Variants in CREBRF observed in about 807,000 individuals in gnomAD.
CREBRF encodes UPF0474 protein C5orf41.
A neutral mutation model predicts 66.1 loss-of-function variants in CREBRF; 5 were observed. The ratio of observed to expected loss-of-function variants is 0.08; its 90% CI spans 0.04 to 0.16. CREBRF has a LOEUF of 0.16. CREBRF is among the 10% of genes least tolerant of loss of function. The pLI is 1.00. For missense variants in CREBRF, 531 were observed against 744.9 expected (o/e 0.71, Z 3.34); for synonymous variants, 229 against 264.4 (o/e 0.87, Z 1.30).
intron 1 of CREBRF, among the ~76,000 whole-genome samples, chr5:173,066,060 C>G (rs528754315): frequency 1.7e-4 from 26 of 152,142 alleles, no homozygotes; most frequent in African/African-American, 6.0e-4. Flanking sequence ...TCAAACAATC[C>G]CATCTCAGCC....
At chr5:173,122,530 T>C (rs2113794331) in intron 7 of CREBRF, among the ~76,000 whole-genome samples, 1 of 149,548 alleles carries the variant, frequency 6.7e-6, no homozygotes, top group Non-Finnish European at 1.5e-5. Context: ...TTTTTGAGCA[T>C]AGAATTTTTT....
chr5:173,085,232 T>A, intron 2 of CREBRF: 1 of 394,932 alleles, frequency 2.5e-6, no homozygotes, highest in African/African-American at 2.1e-5. Context: ...CTTGAGTCAC[T>A]GCCCCCAGCC....
At chr5:173,131,805 T>C (rs1399707474) in intron 8 of CREBRF, among the ~76,000 whole-genome samples, 1 of 152,112 alleles carries the variant, frequency 6.6e-6, no homozygotes, top group Non-Finnish European at 1.5e-5. Flanking sequence ...CAATCTCAGC[T>C]CACTGCAACC....
At chr5:173,067,620 ATGCAACTGATT>A (rs2113671411) in intron 1 of CREBRF, among the ~76,000 whole-genome samples, 1 of 152,306 alleles carries the variant, frequency 6.6e-6, no homozygotes, top group East Asian at 1.9e-4. Flanking sequence ...AAAAACACTA[ATGCAACTGATT>A]TGCAACTGAA....
chr5:173,086,707 G>GAA, intron 3 of CREBRF, 81 bp downstream of exon 3: 3 of 1,225,040 alleles, frequency 2.4e-6, no homozygotes, highest in Non-Finnish European at 3.3e-6. Flanking sequence ...ATAAATGCCT[G>GAA]AAAAAAAAAG....
chr5:173,107,817 A>ATT (rs559120882), intron 4 of CREBRF, among the ~76,000 whole-genome samples: 313 of 121,772 alleles, frequency 2.6e-3, no homozygotes, highest in African/African-American at 4.2e-3. Flanking sequence ...TCTCTACAAA[A>ATT]TTTTTTTTTT....
chr5:173,059,075 G>A (rs937877577), intron 1 of CREBRF, among the ~76,000 whole-genome samples: 15 of 151,820 alleles, frequency 9.9e-5, no homozygotes, highest in African/African-American at 3.6e-4. Flanking sequence ...TGGGATTACA[G>A]GTGTGAGCTA....
intron 4 of CREBRF, 196 bp downstream of exon 4, chr5:173,091,597 A>G: frequency 7.6e-7 from 1 of 1,314,846 alleles, no homozygotes; most frequent in East Asian, 2.8e-5. Context: ...TCACATAGGG[A>G]TTCATAAGCT....
At chr5:173,076,714 C>G (rs1007968225) in intron 1 of CREBRF, among the ~76,000 whole-genome samples, 4 of 148,370 alleles carry the variant, frequency 2.7e-5, no homozygotes, top group African/African-American at 1.0e-4. Flanking sequence ...TGAGATTGCA[C>G]CACTGCATTC....
At chr5:173,122,098 CTGT>C (rs1039498622) in intron 7 of CREBRF, among the ~76,000 whole-genome samples, 47 of 152,058 alleles carry the variant, frequency 3.1e-4, no homozygotes, top group Middle Eastern at 3.4e-3. Context: ...TTGTTTGCTG[CTGT>C]TGTTGTTGTT....
intron 3 of CREBRF, among the ~76,000 whole-genome samples, chr5:173,088,178 C>T (rs1443265047): frequency 6.7e-6 from 1 of 149,942 alleles, no homozygotes; most frequent in Non-Finnish European, 1.5e-5. Context: ...GAGAGATGGT[C>T]ATAGCCACAC....
intron 1 of CREBRF, among the ~76,000 whole-genome samples, chr5:173,066,808 C>CTTT (rs34093582): frequency 1.0e-3 from 64 of 63,072 alleles, no homozygotes; most frequent in African/African-American, 1.1e-3. Flanking sequence ...TTCATTGAAT[C>CTTT]TTTTTTTTTT....
At chr5:173,116,077 T>TC (rs1449886985) in intron 7 of CREBRF, among the ~76,000 whole-genome samples, 1 of 152,162 alleles carries the variant, frequency 6.6e-6, no homozygotes, top group Non-Finnish European at 1.5e-5. Context: ...GGTGGGAGGA[T>TC]TGTTTGAGAC....
At chr5:173,119,672 A>G (rs777524428) in intron 7 of CREBRF, among the ~76,000 whole-genome samples, 1 of 152,172 alleles carries the variant, frequency 6.6e-6, no homozygotes, top group African/African-American at 2.4e-5. Flanking sequence ...TATTAAATAG[A>G]GTGGTGATTG....
intron 1 of CREBRF, chr5:173,060,588 T>A (rs1337320782): frequency 1.3e-5 from 2 of 152,098 alleles, no homozygotes; most frequent in Non-Finnish European, 2.9e-5. Context: ...GGGTTGAACT[T>A]GGATTTTTTT....
rs1433012185 is a variant in CREBRF at position 173,135,038 on chromosome 5, C to G, written c.*1293C>G. The G allele has an allele frequency of 6.6e-6, 1 of 151,890 alleles. No individual in the cohort carries two copies. The highest frequency in any genetic ancestry group is 2.4e-5 in the African/African-American group (1 of 41,302). 9.4% of individuals were successfully genotyped at this position (151,890 alleles called of 1,614,324 possible). ...TTTAGCTTATTGTAGTATACTTCCA[C>G]CAGACAACAAAATAGATTATTTTTA... On this transcript the variant is annotated 3_prime_UTR_variant, in exon 9 of 9. Transcript: ENST00000296953.
chr5:173,133,449 T>G (rs1759519718), intron 8 of CREBRF, among the ~76,000 whole-genome samples, 181 bp from the exon 9 acceptor site: 1 of 152,246 alleles, frequency 6.6e-6, no homozygotes, highest in South Asian at 2.1e-4. Context: ...CTTAAAATTT[T>G]AGACAGTAAT....
chr5:173,105,921 A>G (rs1758738001), intron 4 of CREBRF, among the ~76,000 whole-genome samples: 1 of 152,048 alleles, frequency 6.6e-6, no homozygotes, highest in Admixed American at 6.6e-5. Context: ...CCTGGCCACA[A>G]GGGCCTTTTT....
At chr5:173,080,542 T>G in intron 1 of CREBRF, 43 bp from the exon 2 acceptor site, 1 of 541,444 alleles carries the variant, frequency 1.8e-6, no homozygotes, top group South Asian at 2.9e-5. Flanking sequence ...CATCAACTTG[T>G]TTTTCCTGGA....
Sources: gnomAD v4.1 joint callset for allele counts (sites outside exome capture counted in the v4.1 genomes callset) on GRCh38, gnomAD v4.1.1 for gene constraint, MANE v1.5 for transcripts, NCBI Gene and HGNC (gene_info 2026-07-23, HGNC 2026-07-21) for gene names.